GIN1: variants seen among roughly 807,000 people sequenced by gnomAD.
GIN1 encodes the protein gypsy retrotransposon integrase 1.
GIN1 carries 41 observed loss-of-function variants against 51.4 expected under a neutral mutation model. The ratio of observed to expected loss-of-function variants is 0.80; its 90% CI spans 0.62 to 1.04. GIN1 has a LOEUF of 1.04. Among genes scored for constraint, GIN1 ranks in the 50% least tolerant of loss-of-function variants. GIN1 has a pLI of 0.00. For missense variants in GIN1, 610 were observed against 612.4 expected (o/e 1.00, Z 0.04); for synonymous variants, 222 against 206.5 (o/e 1.07, Z -0.64).
chr5:103,107,889 T>G (rs1787769441), intron 2 of GIN1, among the ~76,000 whole-genome samples: 1 of 152,076 alleles, frequency 6.6e-6, no homozygotes, highest in Non-Finnish European at 1.5e-5. Flanking sequence ...TAACCTGTTT[T>G]GGGGTAAGCC....
chr5:103,101,347 C>T (rs1255119336), intron 4 of GIN1, among the ~76,000 whole-genome samples: 4 of 152,172 alleles, frequency 2.6e-5, no homozygotes, highest in Non-Finnish European at 5.9e-5. Context: ...TCACTATACG[C>T]AGAATGGTGT....
At chr5:103,115,510 A>T (rs1433722448) in intron 1 of GIN1, among the ~76,000 whole-genome samples, 2 of 152,104 alleles carry the variant, frequency 1.3e-5, no homozygotes, top group Non-Finnish European at 2.9e-5. Flanking sequence ...GGTTGCATAG[A>T]ACAGGGGGTG....
chr5:103,112,382 C>T (rs989782348), intron 1 of GIN1, among the ~76,000 whole-genome samples: 1 of 151,966 alleles, frequency 6.6e-6, no homozygotes, highest in South Asian at 2.1e-4. Flanking sequence ...TTAGACTATC[C>T]CTAGCATATT....
Position 103,096,590 on chromosome 5 carries a change from A to G in GIN1, c.1245T>C (p.Pro415=). 1 of 1,613,352 alleles carries G rather than the reference A, an allele frequency of 6.2e-7. No homozygotes were observed. The highest frequency in any genetic ancestry group is 8.5e-7 in the Non-Finnish European group (1 of 1,179,332). The change falls in exon 7 of 8, where the codon CCT becomes CCC. Residue 415 remains proline, a synonymous_variant. Coordinates refer to ENST00000399004, the MANE Select transcript of GIN1 (RefSeq NM_017676.2). ...RDNTGVRLKR[P]IKMSHLKPYI... ...AGGGCTTAAGGTGGGACATTTTGATAGGTCTTTTCAGTCTAACCCCAGTGT... is the reference window on the plus strand; with the variant it reads ...AGGGCTTAAGGTGGGACATTTTGATGGGTCTTTTCAGTCTAACCCCAGTGT...
chr5:103,098,889 T>C (rs1787485893), intron 4 of GIN1, among the ~76,000 whole-genome samples: 1 of 152,216 alleles, frequency 6.6e-6, no homozygotes, highest in Non-Finnish European at 1.5e-5. Context: ...ATAACTACTA[T>C]TATTGGTGTT....
Position 103,088,052 on chromosome 5 carries a change from A to T in GIN1, c.1415T>A (p.Val472Asp). 1 of 1,611,248 alleles carries T rather than the reference A, an allele frequency of 6.2e-7. No individual in the cohort carries two copies. The highest frequency in any genetic ancestry group is 1.1e-5 in the South Asian group (1 of 91,006). The part of the protein sequence containing the change: ...ILVEDATIGI[V>D]DNELLTSSKD... ...GCTTGATGTCAGTAATTCATTATCGACTATACCAATAGTTGCATCTTCCAC... is the reference window on the plus strand; with the variant it reads ...GCTTGATGTCAGTAATTCATTATCGTCTATACCAATAGTTGCATCTTCCAC... The change falls in exon 8 of 8, where the codon GTC becomes GAC. Residue 472 changes from valine to aspartate, a missense_variant. Coordinates refer to ENST00000399004, the MANE Select transcript of GIN1 (RefSeq NM_017676.2).
At chr5:103,100,617 T>C (rs1211695623) in intron 4 of GIN1, among the ~76,000 whole-genome samples, 3 of 151,848 alleles carry the variant, frequency 2.0e-5, no homozygotes, top group African/African-American at 4.8e-5. Flanking sequence ...TGGGCTGGTC[T>C]TGAACTCCTG....
intron 1 of GIN1, among the ~76,000 whole-genome samples, chr5:103,110,426 G>A (rs1230573100): frequency 6.6e-6 from 1 of 152,046 alleles, no homozygotes; most frequent in Non-Finnish European, 1.5e-5. Context: ...CAAAAAATGG[G>A]GGGAAATTTC....
At chr5:103,107,574 T>C (rs1475354916) in intron 2 of GIN1, among the ~76,000 whole-genome samples, 1 of 152,068 alleles carries the variant, frequency 6.6e-6, no homozygotes, top group African/African-American at 2.4e-5. Flanking sequence ...CAGCTACTAA[T>C]ATGAGTAAGC....
At chr5:103,090,887 T>G (rs1181155413) in intron 7 of GIN1, among the ~76,000 whole-genome samples, 1 of 148,972 alleles carries the variant, frequency 6.7e-6, no homozygotes, top group Non-Finnish European at 1.5e-5. Context: ...GTAAGTAAAA[T>G]AAGTCACACA....
intron 1 of GIN1, among the ~76,000 whole-genome samples, chr5:103,118,123 T>A (rs1554197586): frequency 6.6e-6 from 1 of 152,176 alleles, no homozygotes; most frequent in East Asian, 1.9e-4. Flanking sequence ...AAGAATTACC[T>A]GCATTTCCTG....
chr5:103,111,484 C>T (rs1426469636), intron 1 of GIN1, among the ~76,000 whole-genome samples: 2 of 152,014 alleles, frequency 1.3e-5, no homozygotes, highest in African/African-American at 2.4e-5. Context: ...TGTAGGAAGA[C>T]GAGGTTTATA....
At position 103,097,638 on chromosome 5, in the gene GIN1, C is replaced by G. The variant is rs1291446204; in HGVS notation, c.783G>C (p.Trp261Cys). ...ATGAAACAGCTGATAGGTGATCATC[C>G]CAATTGTTTGGGTGGTCAGCACAGT... ...SKHCADHPNN[W>C]DDHLSAVSFA... Residue 261 changes from tryptophan (W) to cysteine (C), a missense_variant, in exon 5 of 8, where the codon TGG (tryptophan) becomes TGC (cysteine). By Grantham distance (215) the Trp-to-Cys change is radical (BLOSUM62 -2). Transcript: ENST00000399004. The G allele has an allele frequency of 3.1e-6, 5 of 1,612,186 alleles. No individual in the cohort carries two copies. Among genetic ancestry groups the G allele is most frequent in the Non-Finnish European group, 4.2e-6 (5 of 1,178,548 alleles).
chr5:103,109,358 A>G (rs1302778095), intron 1 of GIN1, among the ~76,000 whole-genome samples: 3 of 152,128 alleles, frequency 2.0e-5, no homozygotes, highest in African/African-American at 7.2e-5. Flanking sequence ...TACATTTAAA[A>G]AAAGATGTTT....
chr5:103,096,170 C>T (rs954181328), intron 7 of GIN1, among the ~76,000 whole-genome samples: 3 of 151,568 alleles, frequency 2.0e-5, no homozygotes, highest in African/African-American at 4.9e-5. Context: ...GGTGAAACCC[C>T]GTTTCTACTA....
In GIN1 at chr5:103,104,802, A is replaced by G. The variant is rs782220633; in HGVS notation, c.378T>C (p.Ile126=). 19 of 1,610,720 alleles carry G rather than the reference A, an allele frequency of 1.2e-5. No homozygotes were observed. In the Middle Eastern group the frequency reaches 8.3e-4, roughly 70 times the overall value. The change falls in exon 4 of 8, where the codon ATT becomes ATC. Residue 126 remains isoleucine, a synonymous_variant. Transcript: ENST00000399004. The part of the protein sequence containing the change: ...QHCQVAKNTV[I]VAPKQHLLKV... Reference sequence around the variant, plus strand: ...TGAGAAGGTGCTGTTTCGGTGCTACAATAACTGTATTTTTTGCCACTTGGC... The same window carrying G: ...TGAGAAGGTGCTGTTTCGGTGCTACGATAACTGTATTTTTTGCCACTTGGC...
intron 7 of GIN1, among the ~76,000 whole-genome samples, chr5:103,093,228 A>T (rs1478210134): frequency 6.6e-6 from 1 of 152,172 alleles, no homozygotes; most frequent in Non-Finnish European, 1.5e-5. Context: ...TAAGGTTGCT[A>T]ATCAGATGAC....
intron 7 of GIN1, among the ~76,000 whole-genome samples, chr5:103,091,895 G>A (rs1455369596): frequency 6.6e-6 from 1 of 151,918 alleles, no homozygotes; most frequent in East Asian, 1.9e-4. Flanking sequence ...TGTGGAGGTG[G>A]GCGCCTGTAA....
intron 7 of GIN1, 51 bp from the exon 8 acceptor site, chr5:103,088,223 AT>A (rs781792320): frequency 1.0e-5 from 11 of 1,086,428 alleles, no homozygotes; most frequent in South Asian, 6.0e-5. Context: ...AATTAAACAT[AT>A]TTTTTAATTA....
Sources: gnomAD v4.1 joint callset for allele counts (sites outside exome capture counted in the v4.1 genomes callset) on GRCh38, gnomAD v4.1.1 for gene constraint, MANE v1.5 for transcripts, NCBI Gene and HGNC (gene_info 2026-07-23, HGNC 2026-07-21) for gene names.